Variants in SPACA6 observed in about 807,000 individuals in gnomAD.
SPACA6 encodes the protein sperm acrosome membrane-associated protein 6.
For missense variants in SPACA6, 8 were observed against 2.8 expected (o/e 2.88, Z -1.34); for synonymous variants, 6 against 1.5 (o/e 4.05, Z -2.21).
upstream of SPACA6, chr19:51,693,222 C>A: frequency 1.6e-6 from 1 of 624,434 alleles, no homozygotes; most frequent in Non-Finnish European, 3.1e-6. Context: ...TGACCCCCAC[C>A]CCAGGGTCTA....
At chr19:51,701,217 C>G (rs1294770772) in intron 2 of SPACA6, among the ~76,000 whole-genome samples, 3 of 140,366 alleles carry the variant, frequency 2.1e-5, no homozygotes, top group Non-Finnish European at 4.7e-5. Context: ...GAGACACTGT[C>G]TGAATAAAAT....
downstream of SPACA6, among the ~76,000 whole-genome samples, chr19:51,706,215 C>T (rs1052544625): frequency 4.6e-5 from 7 of 152,164 alleles, no homozygotes; most frequent in Admixed American, 1.3e-4. Context: ...CCTCCTTCCT[C>T]GCATTCATCA....
downstream of SPACA6, among the ~76,000 whole-genome samples, chr19:51,707,565 A>T (rs948685606): frequency 1.3e-5 from 2 of 152,134 alleles, no homozygotes; most frequent in African/African-American, 4.8e-5. Flanking sequence ...CACTACATGT[A>T]TGGGATTCTA....
chr19:51,702,710 A>G (rs988510503), intron 4 of SPACA6, 58 bp downstream of exon 4: 3 of 399,038 alleles, frequency 7.5e-6, no homozygotes, highest in African/African-American at 4.1e-5. Flanking sequence ...TCGGGGACGA[A>G]ACGTACGACA....
At chr19:51,701,811 G>A (rs1245020263) in intron 3 of SPACA6, 85 bp downstream of exon 3, 3 of 390,278 alleles carry the variant, frequency 7.7e-6, no homozygotes, top group South Asian at 1.4e-4. Context: ...GGTGGCTCAC[G>A]CCTGTAATCC....
chr19:51,692,147 G>A (rs975676433), upstream of SPACA6, among the ~76,000 whole-genome samples: 1 of 152,156 alleles, frequency 6.6e-6, no homozygotes, highest in Non-Finnish European at 1.5e-5. This position sits in a 1 kb window ranked among gnomAD's most constrained non-coding sequence, Gnocchi z 5.6. Context: ...GGCCTCCTTA[G>A]CCCTGGGCCT....
chr19:51,694,062 G>T, intron 1 of SPACA6: 1 of 241,780 alleles, frequency 4.1e-6, no homozygotes, highest in Non-Finnish European at 7.2e-6. Flanking sequence ...GTCAGAGAGG[G>T]GAGGATGGAC....
intron 2 of SPACA6, among the ~76,000 whole-genome samples, chr19:51,695,243 G>A (rs1402896714): frequency 6.6e-6 from 1 of 152,172 alleles, no homozygotes; most frequent in East Asian, 1.9e-4. Flanking sequence ...CTTGAGGTGT[G>A]TGGCTGTGCG....
At chr19:51,690,830 T>C (rs1274950462), upstream of SPACA6, among the ~76,000 whole-genome samples, 1 of 147,336 alleles carries the variant, frequency 6.8e-6, no homozygotes, top group African/African-American at 2.5e-5. Flanking sequence ...CCCTCTCCCC[T>C]CACCCTCCTC....
upstream of SPACA6, chr19:51,692,667 C>G (rs753022916): frequency 1.9e-6 from 1 of 532,944 alleles, no homozygotes; most frequent in Non-Finnish European, 3.9e-6. The surrounding 1 kb of genome is among the most constrained non-coding windows in gnomAD (Gnocchi z 5.6). Context: ...AAGCTCGTGT[C>G]TGTGGGTCCG....
At chr19:51,686,594 C>G (rs1460171068), upstream of SPACA6, 2 of 151,302 alleles carry the variant, frequency 1.3e-5, no homozygotes, top group African/African-American at 4.8e-5. Context: ...TTTAAATGTA[C>G]CCAGTGTCAA....
chr19:51,712,753 T>C (rs1599788503), downstream of SPACA6, among the ~76,000 whole-genome samples: 1 of 151,736 alleles, frequency 6.6e-6, no homozygotes, highest in East Asian at 1.9e-4. Flanking sequence ...ATTTTCTCAG[T>C]GAGATAGGAA....
chr19:51,696,102 T>C (rs1482666264), intron 2 of SPACA6, among the ~76,000 whole-genome samples: 1 of 152,050 alleles, frequency 6.6e-6, no homozygotes, highest in Middle Eastern at 3.2e-3. Context: ...TTGAGTCTCT[T>C]TCCTCAGGGC....
At chr19:51,708,100 G>A (rs562909632), downstream of SPACA6, among the ~76,000 whole-genome samples, 21 of 152,252 alleles carry the variant, frequency 1.4e-4, no homozygotes, top group African/African-American at 4.6e-4. Flanking sequence ...GGGGCAGCGG[G>A]TGAGGCCGAA....
chr19:51,708,546 G>A (rs769596293), downstream of SPACA6, among the ~76,000 whole-genome samples: 3 of 152,168 alleles, frequency 2.0e-5, no homozygotes, highest in African/African-American at 7.2e-5. Flanking sequence ...GTTCCAGGTG[G>A]CCAGGCGAGG....
rs1488179422 is a variant in SPACA6 at position 51,703,429 on chromosome 19, G to A, written c.573+92G>A. ...AGTCAGCTTGCGGGGACGGGACTCC[G>A]GGAATCTCCGTCTAGACACAAGCAT... On this transcript the variant is annotated intron_variant, in intron 6 of 8. Transcript: ENST00000637797. The surrounding 1 kb of genome is among the most constrained non-coding windows in gnomAD (Gnocchi z 4.2). 5.0e-6 allele frequency: 2 copies of A among 398,132 alleles called. No individual in the cohort carries two copies. Among genetic ancestry groups the A allele is most frequent in the Non-Finnish European group, 8.9e-6 (2 of 225,684 alleles). 24.7% of individuals were successfully genotyped at this position (398,132 alleles called of 1,614,324 possible). A position where few individuals can be genotyped will look rare whatever the true frequency, so the allele number is the denominator to read the frequency against.
downstream of SPACA6, among the ~76,000 whole-genome samples, chr19:51,709,283 C>T (rs1244440836): frequency 6.6e-6 from 1 of 151,098 alleles, no homozygotes; most frequent in South Asian, 2.1e-4. Context: ...TTTGGGAAGC[C>T]GAGGCAGGCA....
At chr19:51,686,064 T>G (rs1600126509), upstream of SPACA6, 1 of 152,200 alleles carries the variant, frequency 6.6e-6, no homozygotes, top group Admixed American at 6.5e-5. Flanking sequence ...GGAATTGCAG[T>G]AGATGAGTCT....
At chr19:51,705,518 C>G (rs2122231072), downstream of SPACA6, among the ~76,000 whole-genome samples, 1 of 152,122 alleles carries the variant, frequency 6.6e-6, no homozygotes, top group East Asian at 1.9e-4. Context: ...CCTCCACTTC[C>G]AATTCATTTT....
Sources: allele counts gnomAD v4.1 joint callset (sites outside exome capture counted in the v4.1 genomes callset), GRCh38; gene constraint gnomAD v4.1.1; non-coding constraint Gnocchi (gnomAD v3.1); transcripts MANE v1.5; gene names NCBI Gene and HGNC (gene_info 2026-07-23, HGNC 2026-07-21).